FDCSP: variants seen among roughly 807,000 people sequenced by gnomAD.
FDCSP encodes follicular dendritic cell secreted peptide.
A neutral mutation model predicts 8.9 loss-of-function variants in FDCSP; 8 were observed. The observed-to-expected ratio is 0.90, with a 90% CI of 0.53 to 1.63. The LOEUF (loss-of-function observed/expected upper bound fraction) is 1.63. Ranked by LOEUF, FDCSP falls within the 40% of genes most tolerant of loss-of-function variation. The probability of loss-of-function intolerance (pLI) is 0.00; values close to 1 mark genes in which losing one functional copy is unlikely to be tolerated. For missense variants in FDCSP, 101 were observed against 103.6 expected (o/e 0.98, Z 0.11); for synonymous variants, 34 against 34.5 (o/e 0.98, Z 0.06).
chr4:70,233,643 A>T (rs1730124422), intron 3 of FDCSP, among the ~76,000 whole-genome samples: 1 of 151,712 alleles, frequency 6.6e-6, no homozygotes, highest in African/African-American at 2.4e-5. Flanking sequence ...AAAAGCAGGA[A>T]GAAGGAACTG....
intron 2 of FDCSP, among the ~76,000 whole-genome samples, 185 bp downstream of exon 2, chr4:70,231,436 C>T (rs1470572757): frequency 1.3e-5 from 2 of 151,494 alleles, no homozygotes; most frequent in African/African-American, 2.4e-5. Context: ...CTTGAGCCCA[C>T]AAGTTCAAGA....
chr4:70,232,041 C>T (rs1730092755), intron 2 of FDCSP, among the ~76,000 whole-genome samples: 1 of 151,632 alleles, frequency 6.6e-6, no homozygotes, highest in African/African-American at 2.4e-5. Context: ...TTGTTTTAAG[C>T]TAAGTGTTAT....
intron 2 of FDCSP, 147 bp downstream of exon 2, chr4:70,231,398 A>G (rs1346102447): frequency 3.7e-6 from 2 of 547,796 alleles, no homozygotes; most frequent in East Asian, 6.6e-5. Context: ...TATTCCCTGT[A>G]ATTTGGGAGG....
intron 2 of FDCSP, among the ~76,000 whole-genome samples, chr4:70,232,499 C>T (rs537309415): frequency 3.8e-4 from 57 of 151,624 alleles, no homozygotes; most frequent in African/African-American, 1.3e-3. Context: ...TAGGCTATAC[C>T]ACCTAGGTTT....
At position 70,228,246 on chromosome 4, in the gene FDCSP, A is replaced by T. The variant is rs1913498; in HGVS notation, c.-1+2064A>T. Among the ~76,000 whole-genome samples the T allele has an allele frequency of 5.5e-3, 836 of 151,990 alleles. 10 individuals are homozygous for T. The highest frequency in any genetic ancestry group is 0.019 in the African/African-American group (791 of 41,526). ...AAATATTCACAGCATCTTCACCAGG[A>T]GTAGATTCCATCTCAAGAAACCACT... On this transcript the variant is annotated intron_variant, in intron 1 of 4. Coordinates refer to ENST00000317987, the MANE Select transcript of FDCSP (RefSeq NM_152997.4).
chr4:70,233,050 A>G (rs750561038), intron 3 of FDCSP, 24 bp downstream of exon 3: 9 of 1,579,298 alleles, frequency 5.7e-6, no homozygotes, highest in Non-Finnish European at 7.8e-6. Flanking sequence ...TCTCTTTTTT[A>G]CATGTAAGTT....
In FDCSP at chr4:70,231,767, C is replaced by T. The variant is rs527716404; in HGVS notation, c.57+516C>T. Among the ~76,000 whole-genome samples, 11 of 151,714 alleles carry T rather than the reference C, an allele frequency of 7.3e-5. No individual in the cohort carries two copies. In the South Asian group the frequency reaches 2.3e-3, roughly 31 times the overall value. On this transcript the variant is annotated intron_variant, in intron 2 of 4. Coordinates refer to ENST00000317987, the MANE Select transcript of FDCSP (RefSeq NM_152997.4). ...ACTGTAAAACAGCCTCAGACAGGTC[C>T]TTCAGGAGGTATTCCATAAGAAACC...
At chr4:70,232,121 G>A (rs113182529) in intron 2 of FDCSP, among the ~76,000 whole-genome samples, 28 of 151,740 alleles carry the variant, frequency 1.8e-4, no homozygotes, top group African/African-American at 6.5e-4. Flanking sequence ...AGAAAAAGAT[G>A]TTTTTATAAG....
intron 1 of FDCSP, among the ~76,000 whole-genome samples, chr4:70,228,178 A>G (rs1030105625): frequency 6.6e-6 from 1 of 151,836 alleles, no homozygotes; most frequent in Admixed American, 6.6e-5. Context: ...TGCTTTATCA[A>G]TTAAGTTTAT....
chr4:70,232,956 G>C, intron 2 of FDCSP, 38 bp from the exon 3 acceptor site: 1 of 1,547,436 alleles, frequency 6.5e-7, no homozygotes, highest in South Asian at 1.2e-5. Flanking sequence ...GTGTTTTCAT[G>C]AGCATGAGTT....
intron 3 of FDCSP, 108 bp downstream of exon 3, chr4:70,233,134 A>C: frequency 1.0e-6 from 1 of 969,880 alleles, no homozygotes; most frequent in Non-Finnish European, 1.5e-6. Context: ...GGAGAGATTC[A>C]TAAAGAGCTT....
At chr4:70,228,762 T>A (rs1053792936) in intron 1 of FDCSP, among the ~76,000 whole-genome samples, 1 of 151,846 alleles carries the variant, frequency 6.6e-6, no homozygotes, top group African/African-American at 2.4e-5. Context: ...GGGGCTCAGG[T>A]ACATTTTCAA....
chr4:70,233,319 C>G (rs1433767350), intron 3 of FDCSP, among the ~76,000 whole-genome samples: 1 of 151,640 alleles, frequency 6.6e-6, no homozygotes, highest in Non-Finnish European at 1.5e-5. Flanking sequence ...ATAACTCAGA[C>G]CTCCACTCTG....
Position 70,234,100 on chromosome 4 carries a change from A to C in FDCSP, c.171A>C (p.Pro57=), listed in dbSNP as rs375518209. 1.2e-6 allele frequency: 2 copies of C among 1,611,310 alleles called. No homozygotes were observed. The highest frequency in any genetic ancestry group is 1.7e-6 in the Non-Finnish European group (2 of 1,178,290). The change falls in exon 4 of 5, where the codon CCA becomes CCC. Residue 57 remains proline, a synonymous_variant. Coordinates refer to ENST00000317987, the MANE Select transcript of FDCSP (RefSeq NM_152997.4). The part of the protein sequence containing the change: ...PYPFRPLPPI[P]FPRFPWFRRN... ...CATTTCGCCCACTTCCACCAATTCC[A>C]TTTCCAAGATTTCCATGGTTTAGAC...
intron 1 of FDCSP, 136 bp from the exon 2 acceptor site, chr4:70,231,059 C>G: frequency 1.6e-6 from 1 of 632,200 alleles, no homozygotes; most frequent in Non-Finnish European, 2.6e-6. Context: ...GTGACTTGCT[C>G]AAACTCAAAG....
At chr4:70,233,435 G>A (rs147149010) in intron 3 of FDCSP, among the ~76,000 whole-genome samples, 1 of 151,688 alleles carries the variant, frequency 6.6e-6, no homozygotes, top group Non-Finnish European at 1.5e-5. Flanking sequence ...TTCACTCATG[G>A]ATTATTTGGG....
intron 2 of FDCSP, among the ~76,000 whole-genome samples, chr4:70,232,159 T>C (rs1730094715): frequency 6.6e-6 from 1 of 151,620 alleles, no homozygotes; most frequent in South Asian, 2.1e-4. Context: ...GTACAGTGTT[T>C]ACAAAGTCCA....
Position 70,234,057 on chromosome 4 carries a change from T to A in FDCSP, c.128T>A (p.Val43Glu). The A allele has an allele frequency of 6.2e-7, 1 of 1,607,774 alleles. No individual in the cohort carries two copies. Among genetic ancestry groups the A allele is most frequent in the South Asian group, 1.1e-5 (1 of 89,994 alleles). ...DSDELASGFF[V>E]FPYPYPFRPL... is the part of the protein sequence containing the mutation. ...GATGAATTAGCTTCAGGGTTTTTTGTGTTCCCTTACCCATATCCATTTCGC... is the reference window on the plus strand; with the variant it reads ...GATGAATTAGCTTCAGGGTTTTTTGAGTTCCCTTACCCATATCCATTTCGC... The change falls in exon 4 of 5, where the codon GTG becomes GAG. Residue 43 changes from valine to glutamate, a missense_variant. Physicochemically the swap from Val to Glu is moderately radical, Grantham distance 121. Coordinates refer to ENST00000317987, the MANE Select transcript of FDCSP (RefSeq NM_152997.4).
intron 3 of FDCSP, 107 bp downstream of exon 3, chr4:70,233,133 C>A: frequency 3.1e-6 from 3 of 968,602 alleles, no homozygotes; most frequent in Non-Finnish European, 4.6e-6. Context: ...TGGAGAGATT[C>A]ATAAAGAGCT....
Sources: gnomAD v4.1 joint callset for allele counts (sites outside exome capture counted in the v4.1 genomes callset) on GRCh38, gnomAD v4.1.1 for gene constraint, MANE v1.5 for transcripts, NCBI Gene and HGNC (gene_info 2026-07-23, HGNC 2026-07-21) for gene names.